CDH12: variants seen among roughly 807,000 people sequenced by gnomAD.
The protein encoded by CDH12 is cadherin 12, also known as cadherin-12.
CDH12 carries 41 observed loss-of-function variants against 74.1 expected under a neutral mutation model. That is an observed-to-expected ratio of 0.55 (90% CI 0.43 to 0.72). The LOEUF (loss-of-function observed/expected upper bound fraction) is 0.72, where lower values mean the gene tolerates loss of function less well. CDH12 is among the 30% of genes least tolerant of loss of function. CDH12 has a pLI of 0.00. For missense variants in CDH12, 945 were observed against 977.2 expected, an observed-to-expected ratio of 0.97 and a Z score of 0.44; for synonymous variants, 399 against 355.0, an observed-to-expected ratio of 1.12 and a Z score of -1.39.
At chr5:22,263,838 T>C (rs1753610322) in intron 3 of CDH12, among the ~76,000 whole-genome samples, 1 of 152,024 alleles carries the variant, frequency 6.6e-6, no homozygotes, top group South Asian at 2.1e-4. Context: ...AGTTAGCAAA[T>C]TTAAGTAATT....
rs1743872026 is a variant in CDH12 at position 22,721,322 on chromosome 5, G to A, written c.-523+131736C>T. On this transcript the variant is annotated intron_variant, in intron 1 of 14. Transcript: ENST00000382254. ...GGATGTGAGACATGAAGTCAAAGGAGATTATTTTGGAGCTTTAAGATTGAA... is the reference window on the plus strand; with the variant it reads ...GGATGTGAGACATGAAGTCAAAGGAAATTATTTTGGAGCTTTAAGATTGAA... Among the ~76,000 whole-genome samples the A allele has an allele frequency of 2.0e-5, 3 of 152,224 alleles. No individual in the cohort carries two copies. In the South Asian group the frequency reaches 6.2e-4, roughly 31 times the overall value.
intron 4 of CDH12, among the ~76,000 whole-genome samples, chr5:22,127,437 A>G (rs1035715627): frequency 4.7e-4 from 71 of 150,034 alleles, no homozygotes; most frequent in African/African-American, 1.7e-3. Context: ...AGACCGCATC[A>G]TTGCACTCCA....
At chr5:21,857,116 C>A (rs563966444) in intron 6 of CDH12, among the ~76,000 whole-genome samples, 1 of 151,726 alleles carries the variant, frequency 6.6e-6, no homozygotes, top group Non-Finnish European at 1.5e-5. Flanking sequence ...TGCAAATCTC[C>A]GAGGACTACC....
chr5:21,866,781 A>G (rs757573291), intron 6 of CDH12, among the ~76,000 whole-genome samples: 5 of 152,208 alleles, frequency 3.3e-5, no homozygotes, highest in African/African-American at 4.8e-5. Flanking sequence ...GAAGCCAAAT[A>G]TTAATCACAA....
At chr5:22,555,578 T>G (rs571458852) in intron 1 of CDH12, among the ~76,000 whole-genome samples, 2 of 152,088 alleles carry the variant, frequency 1.3e-5, no homozygotes, top group East Asian at 3.9e-4. Context: ...TCATGGATTT[T>G]AAATATAAAA....
intron 3 of CDH12, among the ~76,000 whole-genome samples, chr5:22,302,188 A>T (rs1479909362): frequency 1.3e-5 from 2 of 152,190 alleles, no homozygotes; most frequent in Non-Finnish European, 2.9e-5. Flanking sequence ...TCAGAGAAAG[A>T]AAAACAAGTA....
At chr5:22,546,572 CT>C (rs1464254691) in intron 1 of CDH12, among the ~76,000 whole-genome samples, 1 of 152,004 alleles carries the variant, frequency 6.6e-6, no homozygotes, top group African/African-American at 2.4e-5. Context: ...AAGATTTTTT[CT>C]TTTAATTTTG....
At chr5:21,832,280 A>G (rs1368003698) in intron 8 of CDH12, among the ~76,000 whole-genome samples, 10 of 152,128 alleles carry the variant, frequency 6.6e-5, no homozygotes, top group African/African-American at 2.4e-4. Context: ...ACCACTTAAA[A>G]ATGATTCATG....
At chr5:22,569,840 C>T (rs1052496608) in intron 1 of CDH12, among the ~76,000 whole-genome samples, 11 of 152,154 alleles carry the variant, frequency 7.2e-5, no homozygotes, top group Non-Finnish European at 1.5e-4. Flanking sequence ...TCTAAGTCAT[C>T]GAGAAGGGTT....
At chr5:21,915,966 A>C (rs928578105) in intron 6 of CDH12, among the ~76,000 whole-genome samples, 30 of 151,308 alleles carry the variant, frequency 2.0e-4, no homozygotes, top group Non-Finnish European at 3.5e-4. Flanking sequence ...TTAATTAGCA[A>C]AAATATATAA....
intron 10 of CDH12, among the ~76,000 whole-genome samples, chr5:21,788,639 G>T (rs893503463): frequency 1.3e-5 from 2 of 152,020 alleles, no homozygotes; most frequent in Non-Finnish European, 2.9e-5. Context: ...AAAGTTGCAA[G>T]AATTGCACAA....
In CDH12 at chr5:22,808,762, GTT is replaced by G. The variant is rs70959757; in HGVS notation, c.-523+44294_-523+44295del. On this transcript the variant is annotated intron_variant, in intron 1 of 14. Transcript: ENST00000382254. Reference sequence around the variant, plus strand: ...CTACAGGCATACCCCACCACACCTGGTTTTTTTTTTTTTTTTTTTTTTTTTTA... The same window carrying G: ...CTACAGGCATACCCCACCACACCTGGTTTTTTTTTTTTTTTTTTTTTTTTA... Among the ~76,000 whole-genome samples the G allele has an allele frequency of 6.8e-3, 284 of 41,694 alleles. 3 individuals are homozygous for G. The highest frequency in any genetic ancestry group is 0.01 in the African/African-American group (142 of 13,710). 27.4% of individuals were successfully genotyped at this position (41,694 alleles called of 152,430 possible). A position where few individuals can be genotyped will look rare whatever the true frequency, so the allele number is the denominator to read the frequency against.
intron 1 of CDH12, among the ~76,000 whole-genome samples, chr5:22,807,750 G>C (rs2126438229): frequency 6.6e-6 from 1 of 152,142 alleles, no homozygotes; most frequent in South Asian, 2.1e-4. Flanking sequence ...ACATAGAAAA[G>C]GCACAGCAAA....
At chr5:21,895,071 C>A (rs1753060937) in intron 6 of CDH12, among the ~76,000 whole-genome samples, 1 of 150,010 alleles carries the variant, frequency 6.7e-6, no homozygotes, top group African/African-American at 2.4e-5. Context: ...GCCTGCTATA[C>A]TGTTCCTCCT....
chr5:21,807,373 G>T (rs893901457), intron 9 of CDH12, among the ~76,000 whole-genome samples: 15 of 152,174 alleles, frequency 9.9e-5, no homozygotes, highest in Admixed American at 9.8e-4. Context: ...GGCTAGCCTG[G>T]TGTCAGATAA....
chr5:22,695,713 T>A (rs945221134), intron 1 of CDH12, among the ~76,000 whole-genome samples: 5 of 152,186 alleles, frequency 3.3e-5, no homozygotes, highest in Non-Finnish European at 5.9e-5. Flanking sequence ...TTGAAATTGC[T>A]TGGAATTTAG....
At chr5:21,799,158 A>G (rs1746970839) in intron 10 of CDH12, among the ~76,000 whole-genome samples, 1 of 152,176 alleles carries the variant, frequency 6.6e-6, no homozygotes, top group East Asian at 1.9e-4. Flanking sequence ...GTTATTAGAA[A>G]CTAGAGGAAA....
intron 3 of CDH12, among the ~76,000 whole-genome samples, chr5:22,269,958 G>A (rs541382770): frequency 2.6e-5 from 4 of 152,134 alleles, no homozygotes; most frequent in African/African-American, 9.6e-5. Flanking sequence ...ATAAAATCGT[G>A]ATTCATTCTA....
At chr5:22,117,402 C>T (rs1745179784) in intron 4 of CDH12, among the ~76,000 whole-genome samples, 1 of 131,116 alleles carries the variant, frequency 7.6e-6, no homozygotes, top group South Asian at 2.3e-4. Flanking sequence ...ATGCACTATT[C>T]TATTCCCTAA....
Sources: gnomAD v4.1 joint callset for allele counts (sites outside exome capture counted in the v4.1 genomes callset) on GRCh38, gnomAD v4.1.1 for gene constraint, MANE v1.5 for transcripts, NCBI Gene and HGNC (gene_info 2026-07-23, HGNC 2026-07-21) for gene names.